The following ADGRL3 variants were observed in gnomAD, a reference collection of about 807,000 sequenced individuals.
ADGRL3 encodes the protein calcium-independent alpha-latrotoxin receptor 3.
A neutral mutation model predicts 153.5 loss-of-function variants in ADGRL3; 62 were observed. The ratio of observed to expected loss-of-function variants is 0.40; its 90% confidence interval spans 0.33 to 0.50. The LOEUF (loss-of-function observed/expected upper bound fraction) is 0.50. Among genes scored for constraint, ADGRL3 ranks in the 20% least tolerant of loss-of-function variants. The pLI is 0.47. For synonymous variants in ADGRL3, 710 were observed against 672.5 expected, an observed-to-expected ratio of 1.06 and a Z score of -0.86; for missense variants, 1,641 against 1,859.4, an observed-to-expected ratio of 0.88 and a Z score of 2.16.
At chr4:62,063,668 G>A (rs757150685) in intron 25 of ADGRL3, 8 of 644,576 alleles carry the variant, frequency 1.2e-5, no homozygotes, top group Admixed American at 2.2e-5. Flanking sequence ...TTTCAAGTGA[G>A]AGTCCCATTT....
At chr4:61,266,227 G>T (rs1300101847) in intron 1 of ADGRL3, among the ~76,000 whole-genome samples, 3 of 151,686 alleles carry the variant, frequency 2.0e-5, no homozygotes, top group Non-Finnish European at 4.4e-5. Context: ...TATTCTAAAG[G>T]TTTTCTGACA....
intron 1 of ADGRL3, among the ~76,000 whole-genome samples, chr4:61,362,326 T>TTA (rs373888895): frequency 0.033 from 4,792 of 144,630 alleles, 87 homozygotes; most frequent in Non-Finnish European, 0.042. Context: ...TATTTGAAAA[T>TTA]TATATATATA....
At chr4:62,020,218 G>T (rs915355390) in intron 21 of ADGRL3, among the ~76,000 whole-genome samples, 1 of 152,038 alleles carries the variant, frequency 6.6e-6, no homozygotes, top group Non-Finnish European at 1.5e-5. Flanking sequence ...CCCAGTCAGA[G>T]CATGTTTGGC....
At chr4:61,868,469 T>C (rs1483490189) in intron 9 of ADGRL3, among the ~76,000 whole-genome samples, 1 of 152,198 alleles carries the variant, frequency 6.6e-6, no homozygotes, top group Non-Finnish European at 1.5e-5. Context: ...GCCCCAGTTA[T>C]GGATTTCCAA....
intron 3 of ADGRL3, among the ~76,000 whole-genome samples, chr4:61,515,609 C>T (rs1389564431): frequency 6.6e-6 from 1 of 152,052 alleles, no homozygotes; most frequent in African/African-American, 2.4e-5. Flanking sequence ...AAAAAATAAG[C>T]ACATTCTCCC....
intron 1 of ADGRL3, among the ~76,000 whole-genome samples, chr4:61,232,235 G>A (rs902734949): frequency 4.5e-4 from 69 of 152,132 alleles, no homozygotes; most frequent in Admixed American, 4.2e-3. Context: ...GTGCTCTGAA[G>A]AGACAGAATA....
At chr4:61,250,411 C>T (rs1758774871) in intron 1 of ADGRL3, among the ~76,000 whole-genome samples, 2 of 152,148 alleles carry the variant, frequency 1.3e-5, no homozygotes, top group Non-Finnish European at 2.9e-5. Context: ...ATTCCATTTT[C>T]CTCACATCTT....
Position 61,289,184 on chromosome 4 carries a change from A to G in ADGRL3, c.-240+87419A>G, listed in dbSNP as rs2094069201. On this transcript the variant is annotated intron_variant, in intron 1 of 26. Coordinates refer to ENST00000683033, the MANE Select transcript of ADGRL3 (RefSeq NM_001387552.1). The stretch of plus-strand genomic sequence containing the variant: ...CACTTTTCTTCTTTCATAAATTCTA[A>G]CAGGCATGACTGGCTATCTGTCCAC... Among the ~76,000 whole-genome samples the G allele has an allele frequency of 2.0e-5, 3 of 151,862 alleles. No individual in the cohort carries two copies. The South Asian group carries it at 6.2e-4, about 31-fold the overall frequency.
chr4:61,253,746 T>A (rs1018393817), intron 1 of ADGRL3, among the ~76,000 whole-genome samples: 9 of 152,022 alleles, frequency 5.9e-5, no homozygotes, highest in Non-Finnish European at 1.2e-4. Flanking sequence ...TAAGTATATT[T>A]ATAGCCTTTC....
intron 1 of ADGRL3, among the ~76,000 whole-genome samples, chr4:61,379,843 G>A (rs1460989829): frequency 6.6e-6 from 1 of 151,880 alleles, no homozygotes; most frequent in African/African-American, 2.4e-5. Flanking sequence ...CTAAAATATT[G>A]ATTTTGGGAA....
chr4:61,905,430 C>G (rs886263056), intron 11 of ADGRL3, among the ~76,000 whole-genome samples: 1 of 152,026 alleles, frequency 6.6e-6, no homozygotes, highest in African/African-American at 2.4e-5. Context: ...CATTCATGAC[C>G]CACCAGTGGG....
chr4:61,413,780 A>AAACG (rs959846855), intron 2 of ADGRL3, among the ~76,000 whole-genome samples: 3 of 146,290 alleles, frequency 2.1e-5, no homozygotes, highest in African/African-American at 7.5e-5. Flanking sequence ...ACAAACAAAC[A>AAACG]AACGAATGAA....
At chr4:61,357,461 G>A (rs1446737014) in intron 1 of ADGRL3, among the ~76,000 whole-genome samples, 1 of 152,078 alleles carries the variant, frequency 6.6e-6, no homozygotes, top group Non-Finnish European at 1.5e-5. Flanking sequence ...GTTCTTGCAA[G>A]TTAACCAAAT....
At chr4:61,502,484 G>GT (rs3075117) in intron 3 of ADGRL3, among the ~76,000 whole-genome samples, 1,830 of 144,316 alleles carry the variant, frequency 0.013, 26 homozygotes, top group South Asian at 0.02. Flanking sequence ...GCTTATACAT[G>GT]TTTTTTTTTT....
At chr4:61,236,884 A>T (rs1395593730) in intron 1 of ADGRL3, among the ~76,000 whole-genome samples, 1 of 152,184 alleles carries the variant, frequency 6.6e-6, no homozygotes, top group Non-Finnish European at 1.5e-5. Context: ...ATCTGTCTGG[A>T]CCTGAGTTCT....
intron 8 of ADGRL3, among the ~76,000 whole-genome samples, chr4:61,799,837 T>C (rs897589715): frequency 6.6e-6 from 1 of 152,142 alleles, no homozygotes; most frequent in African/African-American, 2.4e-5. Context: ...ATTTGGGTGC[T>C]TATTATGTGA....
chr4:61,932,850 G>A (rs141330246), intron 13 of ADGRL3, among the ~76,000 whole-genome samples: 22 of 152,110 alleles, frequency 1.4e-4, no homozygotes, highest in African/African-American at 4.3e-4. Context: ...CTCAATCTCC[G>A]TATTAGTTGT....
At chr4:61,842,691 A>T (rs993345925) in intron 9 of ADGRL3, among the ~76,000 whole-genome samples, 3 of 152,242 alleles carry the variant, frequency 2.0e-5, no homozygotes, top group African/African-American at 7.2e-5. Context: ...CCAGATGAAT[A>T]AAGTCCATCA....
At chr4:61,544,830 T>A (rs758373079) in intron 4 of ADGRL3, among the ~76,000 whole-genome samples, 11 of 152,242 alleles carry the variant, frequency 7.2e-5, no homozygotes, top group Non-Finnish European at 1.5e-4. Flanking sequence ...TCATAAACTC[T>A]TTATTCTCTT....
Sources: allele counts gnomAD v4.1 joint callset (sites outside exome capture counted in the v4.1 genomes callset), GRCh38; gene constraint gnomAD v4.1.1; transcripts MANE v1.5; gene names NCBI Gene and HGNC (gene_info 2026-07-23, HGNC 2026-07-21).